The following LAMA2 variants were observed in gnomAD, a reference collection of about 807,000 sequenced individuals.
The protein encoded by LAMA2 is laminin subunit alpha-2.
A neutral mutation model predicts 364.8 loss-of-function variants in LAMA2; 269 were observed. The ratio of observed to expected loss-of-function variants is 0.74; its 90% CI spans 0.67 to 0.82. The LOEUF (loss-of-function observed/expected upper bound fraction) is 0.82, where lower values mean the gene tolerates loss of function less well. Among genes scored for constraint, LAMA2 ranks in the 40% least tolerant of loss-of-function variants. The pLI is 0.00. For missense variants in LAMA2, 3,807 were observed against 3,873.2 expected (o/e 0.98, Z 0.45); for synonymous variants, 1,379 against 1,370.6 (o/e 1.01, Z -0.14).
chr6:129,334,615 A>G (rs1214628618), intron 29 of LAMA2, among the ~76,000 whole-genome samples: 1 of 152,206 alleles, frequency 6.6e-6, no homozygotes, highest in African/African-American at 2.4e-5. Flanking sequence ...GTCTCAGTCC[A>G]TTTCGGATGT....
At chr6:129,370,762 A>G (rs998232254) in intron 34 of LAMA2, among the ~76,000 whole-genome samples, 12 of 152,230 alleles carry the variant, frequency 7.9e-5, no homozygotes, top group Non-Finnish European at 1.5e-4. Context: ...TCGGGCCATG[A>G]CAGTGAAACG....
At chr6:129,291,920 C>A (rs1475560487) in intron 20 of LAMA2, among the ~76,000 whole-genome samples, 200 bp downstream of exon 20, 1 of 150,120 alleles carries the variant, frequency 6.7e-6, no homozygotes, top group Non-Finnish European at 1.5e-5. Flanking sequence ...TGACCTTAAA[C>A]ATTTTTTTTT....
At chr6:128,920,211 G>T (rs1456415457) in intron 1 of LAMA2, among the ~76,000 whole-genome samples, 1 of 150,476 alleles carries the variant, frequency 6.6e-6, no homozygotes, top group Non-Finnish European at 1.5e-5. Flanking sequence ...AGGCTGGAGT[G>T]CAGTGCTGCG....
chr6:129,011,235 T>C (rs1784751599), intron 1 of LAMA2, among the ~76,000 whole-genome samples: 1 of 152,224 alleles, frequency 6.6e-6, no homozygotes, highest in South Asian at 2.1e-4. Context: ...GCTCTGTCAC[T>C]AATAGAGCTT....
At chr6:129,225,646 C>G (rs892007052) in intron 12 of LAMA2, among the ~76,000 whole-genome samples, 7 of 152,050 alleles carry the variant, frequency 4.6e-5, no homozygotes, top group Admixed American at 6.6e-5. Flanking sequence ...GAGCCGTTTT[C>G]AGTGAGTTTC....
intron 1 of LAMA2, among the ~76,000 whole-genome samples, chr6:128,962,185 T>TATATATATATACACACACACAC (rs1214826895): frequency 9.6e-6 from 1 of 103,918 alleles, no homozygotes; most frequent in African/African-American, 3.7e-5. Context: ...TATATATATA[T>TATATATATATACACACACACAC]ACACACATAC....
chr6:129,157,410 T>C, intron 8 of LAMA2: 9 of 1,304,204 alleles, frequency 6.9e-6, no homozygotes, highest in Non-Finnish European at 9.9e-6. Flanking sequence ...GAACACGTAG[T>C]GAAGAAAGAG....
chr6:129,376,683 C>T (rs1312554888), intron 34 of LAMA2, among the ~76,000 whole-genome samples: 6 of 152,146 alleles, frequency 3.9e-5, no homozygotes, highest in Admixed American at 3.9e-4. Flanking sequence ...AGGTAATCTA[C>T]CTCTCCCTAC....
At chr6:129,288,510 G>A (rs753509091) in intron 19 of LAMA2, among the ~76,000 whole-genome samples, 3 of 152,094 alleles carry the variant, frequency 2.0e-5, no homozygotes, top group East Asian at 3.8e-4. Context: ...TTACAGTGTC[G>A]TATTTTGTAA....
chr6:129,371,855 C>T (rs370732591), intron 34 of LAMA2, among the ~76,000 whole-genome samples: 7 of 152,184 alleles, frequency 4.6e-5, no homozygotes, highest in African/African-American at 1.7e-4. Context: ...GATTCGCCTG[C>T]CTTGGCCTCC....
At chr6:128,995,498 AT>A (rs775942020) in intron 1 of LAMA2, among the ~76,000 whole-genome samples, 6 of 152,026 alleles carry the variant, frequency 3.9e-5, no homozygotes, top group Non-Finnish European at 8.8e-5. Context: ...ACTTTTTTGT[AT>A]TTTTAGTAGA....
chr6:129,402,603 A>G (rs1359485393), intron 39 of LAMA2, 116 bp downstream of exon 39: 9 of 1,055,402 alleles, frequency 8.5e-6, no homozygotes, highest in Non-Finnish European at 1.1e-5. Flanking sequence ...TTATGAACAC[A>G]CTAGCTATAT....
intron 48 of LAMA2, among the ~76,000 whole-genome samples, chr6:129,459,727 G>A (rs1242622157): frequency 1.3e-5 from 2 of 152,056 alleles, no homozygotes; most frequent in Non-Finnish European, 2.9e-5. Flanking sequence ...AAAGCTTTGT[G>A]TATGCATGGC....
At chr6:129,024,274 A>T (rs1159966815) in intron 1 of LAMA2, among the ~76,000 whole-genome samples, 1 of 151,940 alleles carries the variant, frequency 6.6e-6, no homozygotes, top group Non-Finnish European at 1.5e-5. Context: ...TAAAAAAAAA[A>T]GTAGGAAGCA....
At chr6:129,319,393 A>C (rs556576001) in intron 27 of LAMA2, among the ~76,000 whole-genome samples, 1 of 152,338 alleles carries the variant, frequency 6.6e-6, no homozygotes, top group African/African-American at 2.4e-5. Context: ...TCTTTATAAT[A>C]ACTTTTCAAC....
At chr6:129,257,509 A>C (rs1175318944) in intron 14 of LAMA2, among the ~76,000 whole-genome samples, 1 of 152,096 alleles carries the variant, frequency 6.6e-6, no homozygotes, top group Non-Finnish European at 1.5e-5. Flanking sequence ...TCAACTGCTC[A>C]TTCTTCTATT....
chr6:129,127,016 G>A (rs921355441), intron 4 of LAMA2, among the ~76,000 whole-genome samples: 1 of 152,176 alleles, frequency 6.6e-6, no homozygotes, highest in South Asian at 2.1e-4. Context: ...GCAGTAAGCT[G>A]AGACTGTGCT....
Position 129,391,602 on chromosome 6 carries a change from T to C in LAMA2, c.5183T>C (p.Leu1728Pro), listed in dbSNP as rs1313393190. ...QKEIDQMIKE[L>P]RRKNLETQKE... The stretch of plus-strand genomic sequence containing the variant: ...GAGATTGACCAGATGATTAAAGAAC[T>C]GAGGAGGAAAAATCTAGAGACACAA... Residue 1728 changes from leucine to proline, a missense_variant, in exon 36 of 65, where the codon CTG becomes CCG. Transcript: ENST00000421865. 6.2e-7 allele frequency: 1 copy of C among 1,613,798 alleles called. No homozygotes were observed. The highest frequency in any genetic ancestry group is 8.5e-7 in the Non-Finnish European group (1 of 1,179,848).
At chr6:129,439,712 A>T (rs1293351662) in intron 42 of LAMA2, among the ~76,000 whole-genome samples, 1 of 151,772 alleles carries the variant, frequency 6.6e-6, no homozygotes, top group Non-Finnish European at 1.5e-5. Context: ...TGATATAATA[A>T]CAACAAAGAT....
Sources: allele counts gnomAD v4.1 joint callset (sites outside exome capture counted in the v4.1 genomes callset), GRCh38; gene constraint gnomAD v4.1.1; transcripts MANE v1.5; gene names NCBI Gene and HGNC (gene_info 2026-07-23, HGNC 2026-07-21).